The following BCL11B variants were observed in gnomAD, a reference collection of about 807,000 sequenced individuals.
The protein encoded by BCL11B is BCL11 transcription factor B, also known as B-cell lymphoma/leukemia 11B.
In BCL11B, 8 loss-of-function variants were observed where a neutral mutation model predicts 49.9. The observed-to-expected ratio is 0.16, with a 90% CI of 0.09 to 0.29. BCL11B has a LOEUF of 0.29. Ranked by LOEUF, BCL11B falls within the 10% of genes least tolerant of loss-of-function variation. The pLI, the probability that BCL11B is intolerant of heterozygous loss-of-function variation, is 1.00. For synonymous variants in BCL11B, 739 were observed against 637.4 expected, an observed-to-expected ratio of 1.16 and a Z score of -2.40; for missense variants, 1,006 against 1,351.0, an observed-to-expected ratio of 0.74 and a Z score of 4.00.
At chr14:99,196,364 C>A (rs1212402645) in intron 3 of BCL11B, among the ~76,000 whole-genome samples, 4 of 152,126 alleles carry the variant, frequency 2.6e-5, no homozygotes, top group Non-Finnish European at 4.4e-5. Context: ...CTTCTGTGGA[C>A]CTGAAAAAAA....
In BCL11B at chr14:99,269,662, T is replaced by A. The variant is rs572327657; in HGVS notation, c.58+1499A>T. 2.0e-3 allele frequency among the ~76,000 whole-genome samples: 306 copies of A among 151,094 alleles called. 2 individuals are homozygous for A. Among genetic ancestry groups the A allele is most frequent in the African/African-American group, 6.8e-3 (282 of 41,334 alleles). On this transcript the variant is annotated intron_variant, in intron 1 of 3. Transcript: ENST00000357195. Reference sequence around the variant, plus strand: ...GGGAGGGGAGAACCACTTTATATATTTATTTATTTATTTAAATTTTTTAAA... The same window carrying A: ...GGGAGGGGAGAACCACTTTATATATATATTTATTTATTTAAATTTTTTAAA...
chr14:99,238,951 C>A (rs958312297), intron 2 of BCL11B, among the ~76,000 whole-genome samples: 1 of 152,292 alleles, frequency 6.6e-6, no homozygotes, highest in South Asian at 2.1e-4. Flanking sequence ...TGTGTGCATG[C>A]ACTTCTATTA....
chr14:99,197,581 C>A (rs1035518492), intron 3 of BCL11B, among the ~76,000 whole-genome samples: 1 of 152,016 alleles, frequency 6.6e-6, no homozygotes, highest in Non-Finnish European at 1.5e-5. Context: ...GAAATGAAGC[C>A]CTTGCTGTGG....
intron 3 of BCL11B, among the ~76,000 whole-genome samples, chr14:99,190,261 G>A (rs1886982820): frequency 6.6e-6 from 1 of 152,228 alleles, no homozygotes; most frequent in East Asian, 1.9e-4. Flanking sequence ...GGCCAAAGCG[G>A]GCAGATCACG....
rs1371387953 is a variant in BCL11B, at chr14:99,271,278, AG to A, written c.-61del. 5.1e-5 allele frequency: 63 copies of A among 1,230,056 alleles called. No individual in the cohort carries two copies. The highest frequency in any genetic ancestry group is 2.4e-4 in the Middle Eastern group (1 of 4,138). The allele number at this position is 1,230,056 out of a possible 1,614,324, so 76.2% of individuals were successfully genotyped here. On this transcript the variant is annotated 5_prime_UTR_variant, in exon 1 of 4. Coordinates refer to ENST00000357195, the MANE Select transcript of BCL11B (RefSeq NM_138576.4). Reference sequence around the variant, plus strand: ...CTGCACTGATGGGGGGAGCCGGGGGAGGGGGTCCGAGCCGCCGCCGCGCCGC... The same window carrying A: ...CTGCACTGATGGGGGGAGCCGGGGGAGGGGTCCGAGCCGCCGCCGCGCCGC...
In BCL11B at chr14:99,238,242, G is replaced by A. The variant is rs558582925; in HGVS notation, c.428-6685C>T. Among the ~76,000 whole-genome samples the A allele has an allele frequency of 1.2e-4, 19 of 152,148 alleles. No individual in the cohort carries two copies. In the East Asian group the frequency reaches 1.5e-3, roughly 12 times the overall value. On this transcript the variant is annotated intron_variant, in intron 2 of 3. Transcript: ENST00000357195. ...AGAGGCAGAGCCAAGGAATGATCGCGTCCCCCACCGACACTACCAAAACCT... is the reference window on the plus strand; with the variant it reads ...AGAGGCAGAGCCAAGGAATGATCGCATCCCCCACCGACACTACCAAAACCT...
chr14:99,245,821 C>T (rs538379010), intron 2 of BCL11B, among the ~76,000 whole-genome samples: 9 of 152,104 alleles, frequency 5.9e-5, no homozygotes, highest in Non-Finnish European at 2.9e-5. Context: ...GGCCCGGGGC[C>T]GGCAGGCTCC....
chr14:99,257,920 AC>A lies in BCL11B; in HGVS notation c.59-82del. On this transcript the variant is annotated intron_variant, in intron 1 of 3. Transcript: ENST00000357195. The surrounding 1 kb of genome is among the most constrained non-coding windows in gnomAD (Gnocchi z 6.2). ...GGTCACAGCACCCAACTTCCGGTCC[AC>A]CCCTTCCCCGCCAAGAAGCAGCCCC... 1 of 1,388,354 alleles carries A rather than the reference AC, an allele frequency of 7.2e-7. No homozygotes were observed. The highest frequency in any genetic ancestry group is 9.4e-7 in the Non-Finnish European group (1 of 1,062,894). The allele number at this position is 1,388,354 out of a possible 1,614,324, so 86.0% of individuals were successfully genotyped here.
intron 3 of BCL11B, among the ~76,000 whole-genome samples, chr14:99,218,061 G>GTTTT (rs35487573): frequency 3.0e-4 from 35 of 116,926 alleles, no homozygotes; most frequent in African/African-American, 6.3e-4. Flanking sequence ...ATCATTGCAG[G>GTTTT]TTTTTTTTTT....
chr14:99,235,038 T>C (rs543843478), intron 2 of BCL11B, among the ~76,000 whole-genome samples: 1 of 152,158 alleles, frequency 6.6e-6, no homozygotes, highest in East Asian at 1.9e-4. Context: ...CCTGCTCCGT[T>C]CCTCACACAT....
At chr14:99,268,467 A>C (rs896929250) in intron 1 of BCL11B, among the ~76,000 whole-genome samples, 4 of 152,104 alleles carry the variant, frequency 2.6e-5, no homozygotes, top group Non-Finnish European at 4.4e-5. Context: ...TGGAATTTAA[A>C]ATCTAAAATG....
chr14:99,263,270 C>T (rs1055768376), intron 1 of BCL11B: 25 of 153,410 alleles, frequency 1.6e-4, no homozygotes, highest in African/African-American at 6.0e-4. Context: ...CAGATACATA[C>T]CACAGCCACC....
At chr14:99,270,805 C>G (rs1420278237) in intron 1 of BCL11B, among the ~76,000 whole-genome samples, 2 of 149,210 alleles carry the variant, frequency 1.3e-5, no homozygotes, top group Non-Finnish European at 3.0e-5. Context: ...AACCCCGCCA[C>G]CAGCGCCGCC....
At chr14:99,217,009 C>T (rs1887858708) in intron 3 of BCL11B, among the ~76,000 whole-genome samples, 1 of 151,922 alleles carries the variant, frequency 6.6e-6, no homozygotes, top group Non-Finnish European at 1.5e-5. Context: ...AATACATATG[C>T]ACATATGCTC....
chr14:99,210,867 A>T (rs2614469), intron 3 of BCL11B, among the ~76,000 whole-genome samples: 37,907 of 151,934 alleles, frequency 0.25, 4,983 homozygotes, highest in African/African-American at 0.31. Context: ...GGGGCCGCAG[A>T]GCCCTGCATC....
intron 3 of BCL11B, among the ~76,000 whole-genome samples, chr14:99,216,084 G>A (rs1426004846): frequency 3.3e-5 from 5 of 152,190 alleles, no homozygotes; most frequent in Admixed American, 1.3e-4. Flanking sequence ...AATGCCTGCC[G>A]CTATTCAGCA....
rs1020719224 is a variant in BCL11B, at chr14:99,184,777, C to T, written c.641-8582G>A. Among the ~76,000 whole-genome samples the T allele has an allele frequency of 1.2e-4, 19 of 152,200 alleles. No individual in the cohort carries two copies. The highest frequency in any genetic ancestry group is 2.5e-4 in the Non-Finnish European group (17 of 68,036). On this transcript the variant is annotated intron_variant, in intron 3 of 3. Coordinates refer to ENST00000357195, the MANE Select transcript of BCL11B (RefSeq NM_138576.4). The surrounding 1 kb of genome is among the most constrained non-coding windows in gnomAD (Gnocchi z 6.1). ...AGGCCTTCGAGGGCAGGAAATGGCC[C>T]AGAAGAAAGAGGCTGCACACAGCGA...
At chr14:99,268,517 A>G (rs773090148) in intron 1 of BCL11B, among the ~76,000 whole-genome samples, 2 of 152,176 alleles carry the variant, frequency 1.3e-5, no homozygotes, top group Non-Finnish European at 2.9e-5. Context: ...CCGCTTTGCC[A>G]GCCAGGGCTC....
At chr14:99,212,414 G>A (rs1273887430) in intron 3 of BCL11B, among the ~76,000 whole-genome samples, 1 of 152,150 alleles carries the variant, frequency 6.6e-6, no homozygotes, top group Non-Finnish European at 1.5e-5. Flanking sequence ...TGGATCTCTG[G>A]CCACATTGGG....
Sources: gnomAD v4.1 joint callset for allele counts (sites outside exome capture counted in the v4.1 genomes callset) on GRCh38, gnomAD v4.1.1 for gene constraint, Gnocchi (gnomAD v3.1) non-coding constraint, MANE v1.5 for transcripts, NCBI Gene and HGNC (gene_info 2026-07-23, HGNC 2026-07-21) for gene names.